Variants in CDH20 observed in about 807,000 individuals in gnomAD.
CDH20 encodes cadherin-20.
CDH20 carries 29 observed loss-of-function variants against 74.2 expected under a neutral mutation model. The ratio of observed to expected loss-of-function variants is 0.39; its 90% CI spans 0.29 to 0.53. CDH20 has a LOEUF of 0.53. CDH20 is among the 20% of genes least tolerant of loss of function. CDH20 has a pLI of 0.69. For synonymous variants in CDH20, 469 were observed against 405.4 expected (o/e 1.16, Z -1.88); for missense variants, 988 against 1,048.3 (o/e 0.94, Z 0.79).
Position 61,554,581 on chromosome 18 carries a change from G to A in CDH20, c.2292G>A (p.Gln764=). 6.2e-7 allele frequency: 1 copy of A among 1,609,032 alleles called. No homozygotes were observed. Among genetic ancestry groups the A allele is most frequent in the East Asian group, 2.2e-5 (1 of 44,816 alleles). The change falls in exon 12 of 12, where the codon CAG becomes CAA. Residue 764 remains glutamine (Q), a synonymous_variant. Transcript: ENST00000262717. ...GSVAGSLSSL[Q]SATSDSEQSF... is the part of the protein sequence containing the mutation. ...TGGCGGGGTCGCTGAGCTCCCTGCAGTCGGCCACGTCGGACTCGGAACAGA... is the reference window on the plus strand; with the variant it reads ...TGGCGGGGTCGCTGAGCTCCCTGCAATCGGCCACGTCGGACTCGGAACAGA...
Position 61,499,246 on chromosome 18 carries a change from G to T in CDH20, c.307G>T (p.Ala103Ser). The change falls in exon 3 of 12, where the codon GCT becomes TCT. Residue 103 changes from alanine (A) to serine (S), a missense_variant. Physicochemically the swap from Ala to Ser is moderately conservative, Grantham distance 99. Coordinates refer to ENST00000262717, the MANE Select transcript of CDH20 (RefSeq NM_031891.4). ...SIKYILSGEG[A>S]GIVFTIDDTT... is the part of the protein sequence containing the mutation. ...CAAATACATCCTCTCGGGAGAAGGT[G>T]CTGGCATCGTGTTTACCATCGACGA... 2 of 1,613,036 alleles carry T rather than the reference G, an allele frequency of 1.2e-6. No individual in the cohort carries two copies. The highest frequency in any genetic ancestry group is 1.7e-6 in the Non-Finnish European group (2 of 1,179,282).
rs191509374 is a variant in CDH20 at position 61,506,157 on chromosome 18, T to C, written c.830-1216T>C. 7.6e-3 allele frequency among the ~76,000 whole-genome samples: 1,158 copies of C among 152,338 alleles called. 15 individuals are homozygous for C. The highest frequency in any genetic ancestry group is 0.035 in the South Asian group (171 of 4,828). The stretch of plus-strand genomic sequence containing the variant: ...TATAATGTATCATGTAGAAATTGTA[T>C]GTAGATGTTTAAACATATAACATAG... On this transcript the variant is annotated intron_variant, in intron 5 of 11. Transcript: ENST00000262717.
At chr18:61,368,860 CAAAA>C (rs1296541435) in intron 1 of CDH20, among the ~76,000 whole-genome samples, 1 of 87,904 alleles carries the variant, frequency 1.1e-5, no homozygotes, top group Admixed American at 1.2e-4. Flanking sequence ...AGTTCTTTTT[CAAAA>C]AAAAAAAAAA....
intron 3 of CDH20, 77 bp downstream of exon 3, chr18:61,499,557 C>A: frequency 9.0e-7 from 1 of 1,111,360 alleles, no homozygotes; most frequent in Non-Finnish European, 1.3e-6. Flanking sequence ...TGCACATGCA[C>A]ACACACATGT....
At chr18:61,404,713 T>C (rs1386528711) in intron 1 of CDH20, 4 of 299,342 alleles carry the variant, frequency 1.3e-5, no homozygotes, top group African/African-American at 9.1e-5. Flanking sequence ...ATGGGACCTT[T>C]AAAAATGGAG....
chr18:61,553,306 C>T (rs1433022543), intron 11 of CDH20, among the ~76,000 whole-genome samples: 1 of 151,724 alleles, frequency 6.6e-6, no homozygotes, highest in East Asian at 1.9e-4. Context: ...AAAACCTCAA[C>T]ACTCTTCCTG....
intron 1 of CDH20, among the ~76,000 whole-genome samples, chr18:61,375,429 G>T (rs1425804410): frequency 6.6e-6 from 1 of 152,038 alleles, no homozygotes; most frequent in African/African-American, 2.4e-5. Flanking sequence ...TTATACAGAC[G>T]ATCTTAGATT....
intron 9 of CDH20, 118 bp downstream of exon 9, chr18:61,539,263 C>T (rs774477126): frequency 1.7e-5 from 17 of 989,784 alleles, no homozygotes; most frequent in Admixed American, 6.5e-5. Flanking sequence ...GTTCACAAAA[C>T]AGAGTCCCTA....
rs751665923 is a variant in CDH20, at chr18:61,554,382, G to A, written c.2093G>A (p.Arg698Gln). The change falls in exon 12 of 12, where the codon CGG becomes CAG. Residue 698 changes from arginine to glutamine, a missense_variant. Physicochemically the swap from Arg to Gln is conservative, Grantham distance 43. Transcript: ENST00000262717. ...EAQAGAAPKTRQDMLPEIESL... is the reference protein window; with the variant it reads ...EAQAGAAPKTQQDMLPEIESL... ...CAGGCGGGGGCCGCCCCCAAGACGC[G>A]GCAGGACATGCTGCCCGAGATCGAG... 46 of 1,612,770 alleles carry A rather than the reference G, an allele frequency of 2.9e-5. No homozygotes were observed. The highest frequency in any genetic ancestry group is 3.7e-5 in the Non-Finnish European group (44 of 1,179,718).
intron 1 of CDH20, among the ~76,000 whole-genome samples, chr18:61,472,389 G>A (rs1231217814): frequency 6.6e-6 from 1 of 151,934 alleles, no homozygotes; most frequent in Non-Finnish European, 1.5e-5. Context: ...GCATCCGATG[G>A]CCTCTTTCAT....
chr18:61,499,059 C>T (rs1911268632), intron 2 of CDH20, 127 bp from the exon 3 acceptor site: 6 of 713,954 alleles, frequency 8.4e-6, no homozygotes, highest in African/African-American at 3.6e-5. Flanking sequence ...TGTCGACAAA[C>T]TTATTAAACA....
In CDH20 at chr18:61,340,508, A is replaced by G. The variant is rs534833667; in HGVS notation, c.-153+6681A>G. 3.3e-5 allele frequency among the ~76,000 whole-genome samples: 5 copies of G among 152,186 alleles called. No homozygotes were observed. The East Asian group carries it at 9.7e-4, about 29-fold the overall frequency. On this transcript the variant is annotated intron_variant, in intron 1 of 11. Transcript: ENST00000262717. ...TATCTTTGGACAGAACCAAATTTTG[A>G]TTTCCGCTTTCCCCCAGTAATTTAA...
intron 8 of CDH20, among the ~76,000 whole-genome samples, chr18:61,537,227 C>T (rs1309618463): frequency 6.6e-6 from 1 of 151,850 alleles, no homozygotes; most frequent in African/African-American, 2.4e-5. Flanking sequence ...CAGTCCCTAA[C>T]CTATTGGCTA....
intron 8 of CDH20, among the ~76,000 whole-genome samples, chr18:61,538,095 A>G (rs1359271598): frequency 6.6e-6 from 1 of 152,226 alleles, no homozygotes; most frequent in African/African-American, 2.4e-5. Context: ...AGCCAAAGAT[A>G]TGGATTTGGT....
intron 7 of CDH20, among the ~76,000 whole-genome samples, chr18:61,529,555 T>A (rs1912565471): frequency 6.6e-6 from 1 of 152,220 alleles, no homozygotes; most frequent in South Asian, 2.1e-4. Context: ...AACCTGAAGC[T>A]TTTTAAATAT....
chr18:61,455,146 T>C (rs62098121), intron 1 of CDH20, among the ~76,000 whole-genome samples: 36,336 of 152,132 alleles, frequency 0.24, 4,840 homozygotes, highest in Middle Eastern at 0.42. Context: ...TTCTATAAAA[T>C]ACCTACCCAG....
chr18:61,511,332 CT>C (rs546280285), intron 6 of CDH20, among the ~76,000 whole-genome samples: 1,621 of 151,802 alleles, frequency 0.011, 15 homozygotes, highest in Non-Finnish European at 0.016. Flanking sequence ...CCACAGCCAC[CT>C]ATTTTTGTTG....
intron 1 of CDH20, among the ~76,000 whole-genome samples, chr18:61,351,417 G>A (rs1341733568): frequency 6.6e-6 from 1 of 152,126 alleles, no homozygotes. Context: ...TTCCAGACAA[G>A]TTACTTAATC....
At chr18:61,517,681 T>C (rs1474680708) in intron 6 of CDH20, among the ~76,000 whole-genome samples, 2 of 124,894 alleles carry the variant, frequency 1.6e-5, no homozygotes, top group Non-Finnish European at 3.4e-5. Flanking sequence ...GACACCGAAC[T>C]AGCTGCAGTT....
Sources: gnomAD v4.1 joint callset for allele counts (sites outside exome capture counted in the v4.1 genomes callset) on GRCh38, gnomAD v4.1.1 for gene constraint, MANE v1.5 for transcripts, NCBI Gene and HGNC (gene_info 2026-07-23, HGNC 2026-07-21) for gene names.